Variants in PHF3 observed in about 807,000 individuals in gnomAD.
PHF3 encodes the protein PHD finger protein 3.
PHF3 carries 41 observed loss-of-function variants against 178.4 expected under a neutral mutation model. The ratio of observed to expected loss-of-function variants is 0.23; its 90% confidence interval spans 0.18 to 0.30. The LOEUF is 0.30. Ranked by LOEUF, PHF3 falls within the 10% of genes least tolerant of loss-of-function variation. The pLI, the probability that PHF3 is intolerant of heterozygous loss-of-function variation, is 1.00. For missense variants in PHF3, 2,346 were observed against 2,398.1 expected (o/e 0.98, Z 0.45); for synonymous variants, 842 against 800.5 (o/e 1.05, Z -0.88).
rs2149622048 is a variant in PHF3, at chr6:63,719,525, C to T, written c.*5817C>T. On this transcript the variant is annotated 3_prime_UTR_variant, in exon 16 of 16. Transcript: ENST00000262043. ...AAACTCAGAAAATGTCAGGTAACAA[C>T]AGCAGTAACTGCTTTCCAACCTGCA... Among the ~76,000 whole-genome samples the T allele has an allele frequency of 6.6e-6, 1 of 152,144 alleles. No homozygotes were observed. Among genetic ancestry groups the T allele is most frequent in the East Asian group, 1.9e-4 (1 of 5,172 alleles).
At chr6:63,637,482 A>G (rs7772858) in intron 1 of PHF3, among the ~76,000 whole-genome samples, 7 of 152,356 alleles carry the variant, frequency 4.6e-5, no homozygotes, top group South Asian at 2.1e-4. Flanking sequence ...TTGAATTTAT[A>G]GCTCCCTTCC....
intron 2 of PHF3, among the ~76,000 whole-genome samples, chr6:63,676,149 C>T (rs969140422): frequency 2.0e-5 from 3 of 152,158 alleles, no homozygotes; most frequent in African/African-American, 7.2e-5. Context: ...TTTTCTCTCA[C>T]TCATCAAGGC....
chr6:63,712,076 T>A lies in PHF3; in HGVS notation c.4488T>A (p.Ile1496=), dbSNP rs1286317680. ...SVMEQNTVKE[I]PFLNEQTNSK... ...TGGAACAAAACACTGTTAAAGAAAT[T>A]CCATTTTTAAATGAGCAGACCAACT... Residue 1496 remains isoleucine, a synonymous_variant, in exon 16 of 16, where the codon ATT becomes ATA. Transcript: ENST00000262043. 1.2e-6 allele frequency: 2 copies of A among 1,613,490 alleles called. No individual in the cohort carries two copies. Among genetic ancestry groups the A allele is most frequent in the African/African-American group, 2.7e-5 (2 of 74,868 alleles).
At chr6:63,705,700 A>G (rs553912246) in intron 11 of PHF3, among the ~76,000 whole-genome samples, 1 of 152,350 alleles carries the variant, frequency 6.6e-6, no homozygotes, top group South Asian at 2.1e-4. Context: ...TTTTACATGT[A>G]GGAAATAATT....
At chr6:63,646,852 A>G in intron 2 of PHF3, 57 bp downstream of exon 2, 12 of 1,190,732 alleles carry the variant, frequency 1.0e-5, no homozygotes, top group Non-Finnish European at 1.3e-5. Context: ...AAATAAAAAA[A>G]TTTTCAGCAG....
At chr6:63,711,055 G>T in intron 14 of PHF3, 112 bp from the exon 15 acceptor site, 2 of 680,562 alleles carry the variant, frequency 2.9e-6, no homozygotes, top group Non-Finnish European at 4.6e-6. Flanking sequence ...CACGTTATTT[G>T]GTACCATCAT....
intron 2 of PHF3, among the ~76,000 whole-genome samples, chr6:63,651,442 A>G (rs1331766750): frequency 6.6e-6 from 1 of 151,720 alleles, no homozygotes; most frequent in East Asian, 1.9e-4. Flanking sequence ...GCTCACTGCA[A>G]CCTCCACCTC....
intron 4 of PHF3, chr6:63,686,357 TAAAATG>T (rs1195442309): frequency 6.5e-6 from 1 of 154,208 alleles, no homozygotes; most frequent in Non-Finnish European, 1.4e-5. Context: ...TTTTTTTTCT[TAAAATG>T]AAACATATTA....
At chr6:63,689,254 TA>T (rs1766888260) in intron 4 of PHF3, among the ~76,000 whole-genome samples, 1 of 152,176 alleles carries the variant, frequency 6.6e-6, no homozygotes, top group African/African-American at 2.4e-5. Flanking sequence ...GAGGAAGTCT[TA>T]GTTTTTTCAT....
chr6:63,707,772 T>A (rs1767755188), intron 13 of PHF3, among the ~76,000 whole-genome samples: 1 of 152,128 alleles, frequency 6.6e-6, no homozygotes, highest in African/African-American at 2.4e-5. Context: ...TTCTTTGGAT[T>A]AGGCTGCAAT....
In PHF3 at chr6:63,666,008, T is replaced by C. The variant is rs77572638; in HGVS notation, c.245-13992T>C. Among the ~76,000 whole-genome samples, 199 of 152,314 alleles carry C rather than the reference T, an allele frequency of 1.3e-3. 1 individual carries two copies. The highest frequency in any genetic ancestry group is 1.8e-3 in the Non-Finnish European group (122 of 68,022). On this transcript the variant is annotated intron_variant, in intron 2 of 15. Coordinates refer to ENST00000262043, the MANE Select transcript of PHF3 (RefSeq NM_001370348.2). ...TCAAGGATACTAGTGGCAATCTGAT[T>C]AAATACTAGTTAAGTTTGATTTCTT...
rs771230549 is a variant in PHF3, at chr6:63,713,523, C to T, written c.5935C>T (p.Arg1979Ter). 4 of 1,613,088 alleles carry T rather than the reference C, an allele frequency of 2.5e-6. No homozygotes were observed. The highest frequency in any genetic ancestry group is 1.3e-5 in the African/African-American group (1 of 74,692). The change falls in exon 16 of 16, where the codon CGA (arginine) becomes TGA (stop). Residue 1979 changes from arginine to a stop codon, truncating the protein, a stop_gained. Coordinates refer to ENST00000262043, the MANE Select transcript of PHF3 (RefSeq NM_001370348.2). LOFTEE classifies it high-confidence loss of function. ...KERARLSHGD[R>*]GTDGKASRDS... is the part of the protein sequence containing the mutation. ...GAGGGCACGGTTATCACATGGTGAT[C>T]GAGGAACAGATGGAAAAGCAAGCAG...
intron 2 of PHF3, among the ~76,000 whole-genome samples, chr6:63,670,290 T>TG (rs1451873917): frequency 6.6e-6 from 1 of 152,172 alleles, no homozygotes; most frequent in Non-Finnish European, 1.5e-5. Context: ...TTTTTTGAGA[T>TG]GGAGTCTCGC....
chr6:63,690,838 GTAGT>G lies in PHF3; in HGVS notation c.2190-896_2190-893del, dbSNP rs374016217. On this transcript the variant is annotated intron_variant, in intron 4 of 15. Coordinates refer to ENST00000262043, the MANE Select transcript of PHF3 (RefSeq NM_001370348.2). ...ATCTCATTTGCTATTATTTTCAAAAGTAGTTATAGATACTCCTTTTAAACTGGAA... is the reference window on the plus strand; with the variant it reads ...ATCTCATTTGCTATTATTTTCAAAAGTATAGATACTCCTTTTAAACTGGAA... 2.4e-4 allele frequency among the ~76,000 whole-genome samples: 37 copies of G among 152,218 alleles called. No individual in the cohort carries two copies. In the East Asian group the frequency reaches 4.4e-3, roughly 18 times the overall value.
Position 63,722,372 on chromosome 6 carries a change from C to T in PHF3, c.*8664C>T, listed in dbSNP as rs1316784391. ...AGTGTCACTTCCTCAGAGAAGTTTT[C>T]CTTGATTTCCCAGAGCTGGTCAGGA... On this transcript the variant is annotated 3_prime_UTR_variant, in exon 16 of 16. Transcript: ENST00000262043. Among the ~76,000 whole-genome samples the T allele has an allele frequency of 6.6e-6, 1 of 152,168 alleles. No homozygotes were observed. The highest frequency in any genetic ancestry group is 2.4e-5 in the African/African-American group (1 of 41,452).
In PHF3 at chr6:63,717,330, T is replaced by C. The variant is rs1768220871; in HGVS notation, c.*3622T>C. Among the ~76,000 whole-genome samples the C allele has an allele frequency of 6.6e-6, 1 of 152,068 alleles. No homozygotes were observed. The highest frequency in any genetic ancestry group is 1.9e-4 in the East Asian group (1 of 5,200). ...ATCTTAGTAAAACAGTATTTTAACA[T>C]TTGGATATACTAGTTGTACTATGCT... On this transcript the variant is annotated 3_prime_UTR_variant, in exon 16 of 16. Coordinates refer to ENST00000262043, the MANE Select transcript of PHF3 (RefSeq NM_001370348.2).
chr6:63,650,215 T>A (rs981732331), intron 2 of PHF3, among the ~76,000 whole-genome samples: 1 of 152,224 alleles, frequency 6.6e-6, no homozygotes, highest in East Asian at 1.9e-4. Context: ...TATCTGCTAC[T>A]GTAGGTTACT....
chr6:63,682,733 G>A (rs559604152), intron 3 of PHF3, among the ~76,000 whole-genome samples: 145 of 152,238 alleles, frequency 9.5e-4, no homozygotes, highest in Non-Finnish European at 1.6e-3. Context: ...AGGAGAAAAA[G>A]TGACTTTAGC....
At chr6:63,673,741 A>G (rs1399478041) in intron 2 of PHF3, among the ~76,000 whole-genome samples, 1 of 152,206 alleles carries the variant, frequency 6.6e-6, no homozygotes, top group Non-Finnish European at 1.5e-5. Flanking sequence ...AAGCATCCCA[A>G]TACCTTACAA....
Sources: allele counts gnomAD v4.1 joint callset (sites outside exome capture counted in the v4.1 genomes callset), GRCh38; gene constraint gnomAD v4.1.1; transcripts MANE v1.5; gene names NCBI Gene and HGNC (gene_info 2026-07-23, HGNC 2026-07-21).